ACER3: variants seen among roughly 807,000 people sequenced by gnomAD.
The protein encoded by ACER3 is alkCDase 3.
Under a neutral mutation model 48.9 loss-of-function variants are expected in ACER3, and 16 were observed. The ratio of observed to expected loss-of-function variants is 0.33; its 90% CI spans 0.22 to 0.50. ACER3 has a LOEUF of 0.50. Ranked by LOEUF, ACER3 falls within the 20% of genes least tolerant of loss-of-function variation. ACER3 has a pLI of 0.98. For missense variants in ACER3, 227 were observed against 326.0 expected (o/e 0.70, Z 2.34); for synonymous variants, 109 against 107.8 (o/e 1.01, Z -0.07).
chr11:76,873,084 T>A (rs1167182032), intron 1 of ACER3, among the ~76,000 whole-genome samples: 1 of 151,916 alleles, frequency 6.6e-6, no homozygotes, highest in African/African-American at 2.4e-5. Flanking sequence ...GTGATTTTTT[T>A]ATTTTATTTT....
At chr11:76,865,202 C>T (rs1945046655) in intron 1 of ACER3, among the ~76,000 whole-genome samples, 1 of 144,136 alleles carries the variant, frequency 6.9e-6, no homozygotes, top group African/African-American at 2.6e-5. Flanking sequence ...CCAAGCTGGT[C>T]TCAAACTCCT....
At chr11:76,882,985 A>AT (rs890162528) in intron 1 of ACER3, among the ~76,000 whole-genome samples, 28 of 149,182 alleles carry the variant, frequency 1.9e-4, no homozygotes, top group South Asian at 4.2e-4. Context: ...TCAGTGCCAT[A>AT]TTTTTTTTTT....
intron 1 of ACER3, among the ~76,000 whole-genome samples, chr11:76,921,871 T>C (rs573732399): frequency 6.6e-6 from 1 of 152,300 alleles, no homozygotes; most frequent in East Asian, 1.9e-4. Flanking sequence ...TATTTGAAGA[T>C]AGCAGTCATT....
chr11:76,877,291 A>G (rs1441238427), intron 1 of ACER3, among the ~76,000 whole-genome samples: 1 of 152,116 alleles, frequency 6.6e-6, no homozygotes, highest in East Asian at 1.9e-4. Flanking sequence ...AACTTTTCAG[A>G]GCATGCAGCT....
rs537850202 is a variant in ACER3, at chr11:77,020,442, G to A, written c.*115G>A. 1.2e-4 allele frequency: 148 copies of A among 1,218,030 alleles called. 1 individual carries two copies. Among genetic ancestry groups the A allele is most frequent in the Admixed American group, 5.3e-4 (25 of 47,100 alleles). 75.5% of individuals were successfully genotyped at this position (1,218,030 alleles called of 1,614,324 possible). ...ATGTCATGACCATCACAGCAGAGGA[G>A]TGACTTTCTGACTAATGCTGCCACC... On this transcript the variant is annotated 3_prime_UTR_variant, in exon 11 of 11. Transcript: ENST00000532485.
At chr11:76,915,475 T>C (rs2134750491) in intron 1 of ACER3, among the ~76,000 whole-genome samples, 1 of 152,048 alleles carries the variant, frequency 6.6e-6, no homozygotes, top group African/African-American at 2.4e-5. Flanking sequence ...TTTGTCTCGA[T>C]GTTAACAGGT....
chr11:76,998,423 A>AAGCTAAAGAGAAGAGAGG (rs11270824), intron 6 of ACER3: 154,440 of 213,220 alleles, frequency 0.72, 56,945 homozygotes, highest in Non-Finnish European at 0.75. Flanking sequence ...GCTGAAAGCA[A>AAGCTAAAGAGAAGAGAGG]AGCTAAAGAG....
chr11:76,900,353 T>C (rs1438435036), intron 1 of ACER3, among the ~76,000 whole-genome samples: 5 of 152,116 alleles, frequency 3.3e-5, no homozygotes, highest in African/African-American at 9.7e-5. Context: ...GCAGGCACAG[T>C]TGGTGTGACT....
intron 7 of ACER3, among the ~76,000 whole-genome samples, chr11:77,006,981 A>G (rs1471993408): frequency 6.6e-6 from 1 of 152,042 alleles, no homozygotes; most frequent in Non-Finnish European, 1.5e-5. Flanking sequence ...GCATTGTGAT[A>G]TATACCTGTA....
chr11:77,001,616 G>T (rs1456761878), intron 7 of ACER3, among the ~76,000 whole-genome samples: 1 of 152,168 alleles, frequency 6.6e-6, no homozygotes, highest in African/African-American at 2.4e-5. Flanking sequence ...CGTTCCTGAT[G>T]TGTGTGCTTT....
intron 3 of ACER3, among the ~76,000 whole-genome samples, chr11:76,963,888 C>T (rs1278642217): frequency 2.6e-5 from 4 of 151,432 alleles, no homozygotes; most frequent in Admixed American, 2.0e-4. Context: ...TCGGCGTTAG[C>T]GACACAGAAG....
chr11:76,883,082 T>C (rs1476384545), intron 1 of ACER3, among the ~76,000 whole-genome samples: 3 of 152,242 alleles, frequency 2.0e-5, no homozygotes, highest in African/African-American at 4.8e-5. Flanking sequence ...GCTGCACTTA[T>C]CCCAAGGCTA....
At chr11:77,004,898 G>A (rs528468718) in intron 7 of ACER3, among the ~76,000 whole-genome samples, 1 of 151,944 alleles carries the variant, frequency 6.6e-6, no homozygotes, top group Non-Finnish European at 1.5e-5. Context: ...TTTAATTGGT[G>A]TATTTAGATC....
chr11:76,952,876 G>C (rs561521460), intron 2 of ACER3, among the ~76,000 whole-genome samples: 8 of 151,814 alleles, frequency 5.3e-5, no homozygotes, highest in African/African-American at 1.9e-4. Flanking sequence ...ATGTTGGCCA[G>C]GCTGGTCTCA....
At chr11:76,959,606 G>A (rs1386464129) in intron 3 of ACER3, among the ~76,000 whole-genome samples, 1 of 151,828 alleles carries the variant, frequency 6.6e-6, no homozygotes, top group Non-Finnish European at 1.5e-5. Context: ...AGGCTGGAGT[G>A]CAGTGGTGCA....
chr11:76,953,160 G>A (rs1947730444), intron 2 of ACER3, among the ~76,000 whole-genome samples: 2 of 152,158 alleles, frequency 1.3e-5, no homozygotes, highest in South Asian at 4.1e-4. Flanking sequence ...AAGCTACAGT[G>A]GAAGAAATCA....
chr11:76,875,242 T>G (rs1200242305), intron 1 of ACER3, among the ~76,000 whole-genome samples: 7 of 148,704 alleles, frequency 4.7e-5, no homozygotes, highest in Non-Finnish European at 3.0e-5. Context: ...GCCTCCCTAG[T>G]AGCTGGGATT....
intron 3 of ACER3, chr11:76,959,350 T>C (rs1947925046): frequency 1.5e-6 from 1 of 664,970 alleles, no homozygotes; most frequent in South Asian, 2.1e-5. Context: ...AATATATTCT[T>C]ATTCTGAGAT....
chr11:76,877,093 T>G (rs1945401142), intron 1 of ACER3, among the ~76,000 whole-genome samples: 1 of 152,210 alleles, frequency 6.6e-6, no homozygotes, highest in Non-Finnish European at 1.5e-5. Context: ...TAAGCCCATC[T>G]GAAGATTTCA....
Sources: allele counts gnomAD v4.1 joint callset (sites outside exome capture counted in the v4.1 genomes callset), GRCh38; gene constraint gnomAD v4.1.1; transcripts MANE v1.5; gene names NCBI Gene and HGNC (gene_info 2026-07-23, HGNC 2026-07-21).